NCKAP5: variants seen among roughly 807,000 people sequenced by gnomAD.
NCKAP5 encodes the protein nck-associated protein 5.
Under a neutral mutation model 167.0 loss-of-function variants are expected in NCKAP5, and 92 were observed. The ratio of observed to expected loss-of-function variants is 0.55; its 90% CI spans 0.47 to 0.66. The LOEUF (loss-of-function observed/expected upper bound fraction) is 0.66. Ranked by LOEUF, NCKAP5 falls within the 30% of genes least tolerant of loss-of-function variation. The pLI, the probability that NCKAP5 is intolerant of heterozygous loss-of-function variation, is 0.00. For missense variants in NCKAP5, 2,378 were observed against 2,315.0 expected (o/e 1.03, Z -0.56); for synonymous variants, 891 against 877.4 (o/e 1.02, Z -0.27).
At chr2:132,765,423 T>C (rs1159159439) in intron 16 of NCKAP5, among the ~76,000 whole-genome samples, 1 of 151,262 alleles carries the variant, frequency 6.6e-6, no homozygotes. Context: ...GAAGTGATTC[T>C]CCTGTCTCAG....
chr2:133,056,791 T>C (rs1031712075), intron 6 of NCKAP5, among the ~76,000 whole-genome samples: 2 of 152,228 alleles, frequency 1.3e-5, no homozygotes, highest in African/African-American at 4.8e-5. Flanking sequence ...GGCAATTTTG[T>C]TTGAAAATTT....
At chr2:132,814,595 T>C (rs1686120213) in intron 11 of NCKAP5, among the ~76,000 whole-genome samples, 1 of 152,210 alleles carries the variant, frequency 6.6e-6, no homozygotes, top group Non-Finnish European at 1.5e-5. Context: ...AACTTCAATT[T>C]TGCAGGTTTC....
At chr2:132,807,835 G>A (rs1685553109) in intron 11 of NCKAP5, among the ~76,000 whole-genome samples, 1 of 152,068 alleles carries the variant, frequency 6.6e-6, no homozygotes. Flanking sequence ...TCTTGTGTCA[G>A]TTCTTAGAGG....
the NCKAP5 span, among the ~76,000 whole-genome samples, chr2:133,628,516 AT>A: frequency 2.0e-5 from 3 of 152,240 alleles, no homozygotes; most frequent in Non-Finnish European, 4.4e-5. Flanking sequence ...CTGGAAAAAC[AT>A]TCCATGCTCA....
chr2:133,270,039 C>A (rs1160061828), intron 4 of NCKAP5, among the ~76,000 whole-genome samples: 1 of 152,152 alleles, frequency 6.6e-6, no homozygotes, highest in African/African-American at 2.4e-5. Flanking sequence ...GTGGAAGAAT[C>A]AGCTTATATG....
chr2:133,552,601 G>C lies in NCKAP5; in HGVS notation c.-62+6449C>G, dbSNP rs552142747. ...CACACTCTGCGGACTGTGGTGGGGT[G>C]GGGGGAGGGGGGATGGATAGCATTG... On this transcript the variant is annotated intron_variant, in intron 2 of 19. Coordinates refer to ENST00000409261, the MANE Select transcript of NCKAP5 (RefSeq NM_207363.3). Among the ~76,000 whole-genome samples the C allele has an allele frequency of 1.0e-3, 126 of 124,786 alleles. 2 individuals are homozygous for C. Among genetic ancestry groups the C allele is most frequent in the Middle Eastern group, 8.1e-3 (2 of 246 alleles). The allele number at this position is 124,786 out of a possible 152,430, so 81.9% of individuals were successfully genotyped here.
chr2:133,162,677 T>C (rs936300239), intron 5 of NCKAP5, among the ~76,000 whole-genome samples: 2 of 152,152 alleles, frequency 1.3e-5, no homozygotes, highest in Non-Finnish European at 2.9e-5. Flanking sequence ...TGATGCAACA[T>C]TGTTTTTTTT....
chr2:133,190,618 C>T (rs1195353473), intron 5 of NCKAP5, among the ~76,000 whole-genome samples: 1 of 152,060 alleles, frequency 6.6e-6, no homozygotes, highest in African/African-American at 2.4e-5. Flanking sequence ...TAATACCACA[C>T]ATCTACAACT....
intron 3 of NCKAP5, among the ~76,000 whole-genome samples, chr2:133,396,537 C>T (rs1687739580): frequency 6.6e-6 from 1 of 152,142 alleles, no homozygotes; most frequent in African/African-American, 2.4e-5. Context: ...TTTGCTAGGG[C>T]TGCTGTAACA....
intron 3 of NCKAP5, among the ~76,000 whole-genome samples, chr2:133,410,825 T>C (rs1432345115): frequency 1.3e-5 from 2 of 152,208 alleles, no homozygotes; most frequent in African/African-American, 4.8e-5. Context: ...TCATGTTAGA[T>C]GCTTTTAAAA....
chr2:132,794,265 G>T (rs11901276), intron 12 of NCKAP5, among the ~76,000 whole-genome samples: 749 of 33,564 alleles, frequency 0.022, 2 homozygotes, highest in African/African-American at 0.028. Context: ...TATATATATA[G>T]AGAGAGAGAG....
At chr2:132,972,789 G>A (rs2076873327) in intron 7 of NCKAP5, among the ~76,000 whole-genome samples, 1 of 151,710 alleles carries the variant, frequency 6.6e-6, no homozygotes. Flanking sequence ...CTTGGACCCA[G>A]GAAGCAGAGG....
chr2:133,069,249 T>C (rs2080304920), intron 6 of NCKAP5, among the ~76,000 whole-genome samples: 1 of 152,172 alleles, frequency 6.6e-6, no homozygotes, highest in Admixed American at 6.5e-5. Flanking sequence ...GAAAATAACA[T>C]ATACATGTAA....
chr2:133,046,898 G>A (rs1180244811), intron 6 of NCKAP5, among the ~76,000 whole-genome samples: 1 of 152,186 alleles, frequency 6.6e-6, no homozygotes, highest in Non-Finnish European at 1.5e-5. Context: ...GTTGGAGTTA[G>A]TGTATCCAGA....
chr2:132,861,865 A>G (rs959777644), intron 10 of NCKAP5, among the ~76,000 whole-genome samples: 4 of 152,248 alleles, frequency 2.6e-5, no homozygotes, highest in African/African-American at 9.6e-5. Context: ...TCAAGAAGAT[A>G]CTGAAATAAC....
chr2:133,455,413 T>C (rs1308773952), intron 3 of NCKAP5, among the ~76,000 whole-genome samples: 8 of 152,122 alleles, frequency 5.3e-5, no homozygotes, highest in Non-Finnish European at 1.2e-4. Context: ...AATGTCTTTA[T>C]TATTACTCTA....
the NCKAP5 span, among the ~76,000 whole-genome samples, chr2:133,634,786 T>A: frequency 6.6e-6 from 1 of 152,136 alleles, no homozygotes; most frequent in Non-Finnish European, 1.5e-5. Flanking sequence ...CCATGTAATA[T>A]TGGGACATAC....
intron 5 of NCKAP5, among the ~76,000 whole-genome samples, chr2:133,183,335 T>C (rs1450163626): frequency 6.6e-6 from 1 of 152,040 alleles, no homozygotes; most frequent in African/African-American, 2.4e-5. Context: ...ACATCCCTCA[T>C]AAATGTTAAT....
At chr2:133,361,919 C>A (rs116244337) in intron 3 of NCKAP5, among the ~76,000 whole-genome samples, 1 of 151,668 alleles carries the variant, frequency 6.6e-6, no homozygotes, top group Admixed American at 6.6e-5. Flanking sequence ...TATTTTGATT[C>A]TGCACTTAAG....
Sources: allele counts gnomAD v4.1 joint callset (sites outside exome capture counted in the v4.1 genomes callset), GRCh38; gene constraint gnomAD v4.1.1; transcripts MANE v1.5; gene names NCBI Gene and HGNC (gene_info 2026-07-23, HGNC 2026-07-21).